USH2A: variants seen among roughly 807,000 people sequenced by gnomAD.
USH2A encodes the protein usherin.
In USH2A, 443 loss-of-function variants were observed where a neutral mutation model predicts 538.9. That is an observed-to-expected ratio of 0.82 (90% confidence interval 0.76 to 0.89). The LOEUF (loss-of-function observed/expected upper bound fraction) is 0.89, where lower values mean the gene tolerates loss of function less well. USH2A is among the 40% of genes least tolerant of loss of function. The pLI is 0.00. For missense variants in USH2A, 6,633 were observed against 6,324.8 expected, an observed-to-expected ratio of 1.05 and a Z score of -1.65; for synonymous variants, 2,413 against 2,273.5, an observed-to-expected ratio of 1.06 and a Z score of -1.75.
intron 37 of USH2A, among the ~76,000 whole-genome samples, chr1:215,954,914 C>T (rs1369746897): frequency 6.6e-6 from 1 of 152,096 alleles, no homozygotes; most frequent in Non-Finnish European, 1.5e-5. Context: ...AAATCCACCA[C>T]AATTTTACCT....
chr1:215,853,593 C>A (rs917533144), intron 44 of USH2A, among the ~76,000 whole-genome samples: 1 of 152,190 alleles, frequency 6.6e-6, no homozygotes, highest in African/African-American at 2.4e-5. Flanking sequence ...ATTTTCTGAA[C>A]TTTTATGCTC....
chr1:215,909,571 A>T (rs1407285764), intron 38 of USH2A, among the ~76,000 whole-genome samples: 1 of 152,016 alleles, frequency 6.6e-6, no homozygotes, highest in African/African-American at 2.4e-5. Flanking sequence ...GTTGCTGTGA[A>T]CCTAAAGCTG....
chr1:215,800,074 C>T (rs982134873), intron 49 of USH2A, among the ~76,000 whole-genome samples: 1 of 152,066 alleles, frequency 6.6e-6, no homozygotes, highest in African/African-American at 2.4e-5. Flanking sequence ...ACTCTAAATA[C>T]CAAGAGTTAG....
chr1:216,012,962 CTT>C (rs1166795346), intron 32 of USH2A, among the ~76,000 whole-genome samples: 1 of 152,166 alleles, frequency 6.6e-6, no homozygotes, highest in African/African-American at 2.4e-5. Context: ...ATGTCCTGCT[CTT>C]GTTTACACTG....
intron 43 of USH2A, among the ~76,000 whole-genome samples, chr1:215,869,345 TA>T (rs1664565137): frequency 6.6e-6 from 1 of 152,146 alleles, no homozygotes; most frequent in African/African-American, 2.4e-5. Context: ...ATCATAATGA[TA>T]ATCTGTTCTG....
At chr1:215,829,934 C>G (rs1285744184) in intron 47 of USH2A, among the ~76,000 whole-genome samples, 4 of 152,144 alleles carry the variant, frequency 2.6e-5, no homozygotes, top group Non-Finnish European at 5.9e-5. Context: ...ACTTCCCATG[C>G]AGGCCAATAT....
At chr1:216,144,898 G>A (rs1052385696) in intron 21 of USH2A, among the ~76,000 whole-genome samples, 14 of 151,852 alleles carry the variant, frequency 9.2e-5, no homozygotes, top group Admixed American at 2.0e-4. Context: ...TTCTTTTTAC[G>A]TTAAAAATCT....
intron 21 of USH2A, among the ~76,000 whole-genome samples, chr1:216,101,720 A>G (rs996752946): frequency 1.3e-5 from 2 of 152,240 alleles, no homozygotes; most frequent in African/African-American, 4.8e-5. Context: ...AAAAAATGAG[A>G]CAGGAAATGT....
intron 24 of USH2A, 36 bp downstream of exon 24, chr1:216,086,683 T>C (rs2032143416): frequency 6.9e-7 from 1 of 1,440,932 alleles, no homozygotes. Flanking sequence ...ATTCTAAGTT[T>C]GGATGACAAC....
rs1476510209 is a variant in USH2A at position 215,625,069 on chromosome 1, A to G, written c.*712T>C. 1 of 152,264 alleles carries G rather than the reference A, an allele frequency of 6.6e-6. No individual in the cohort carries two copies. The highest frequency in any genetic ancestry group is 1.5e-5 in the Non-Finnish European group (1 of 68,060). 9.4% of individuals were successfully genotyped at this position (152,264 alleles called of 1,614,324 possible). ...ACACTTTGTTTTCTCCTCAAAATGT[A>G]TAAATAAGCTGTTTACTCCTTAGAT... On this transcript the variant is annotated 3_prime_UTR_variant, in exon 72 of 72. Coordinates refer to ENST00000307340, the MANE Select transcript of USH2A (RefSeq NM_206933.4).
At chr1:216,265,828 T>C (rs887163808) in intron 11 of USH2A, among the ~76,000 whole-genome samples, 15 of 152,162 alleles carry the variant, frequency 9.9e-5, no homozygotes, top group African/African-American at 3.4e-4. Context: ...TTCTGACTCA[T>C]ATGTGGAAGC....
In USH2A at chr1:216,324,256, AT is replaced by A. The variant is rs1346509268; in HGVS notation, c.1239del (p.Gln413HisfsTer12). Reference sequence around the variant, plus strand: ...AAAGCACCACAATTCCTGGCAAAATATTGCCAGTCCTCCCAATCTAAACTAT... The same window carrying A: ...AAAGCACCACAATTCCTGGCAAAATATGCCAGTCCTCCCAATCTAAACTAT... ...KENSLDWEDW[Q>X]YFARNCGAFG... On this transcript the variant is annotated frameshift_variant, in exon 7 of 72. Transcript: ENST00000307340. LOFTEE classifies it high-confidence loss of function. 6.2e-7 allele frequency: 1 copy of A among 1,613,242 alleles called. No individual in the cohort carries two copies. Among genetic ancestry groups the A allele is most frequent in the East Asian group, 2.2e-5 (1 of 44,708 alleles).
chr1:216,017,874 T>C lies in USH2A; in HGVS notation c.6326-17312A>G, dbSNP rs1424143009. ...TTTTAATACTATTTCAACCTAGCCC[T>C]ATACTACGCCTTATATAGCATAAGA... On this transcript the variant is annotated intron_variant, in intron 32 of 71. Coordinates refer to ENST00000307340, the MANE Select transcript of USH2A (RefSeq NM_206933.4). 3.9e-5 allele frequency among the ~76,000 whole-genome samples: 6 copies of C among 152,292 alleles called. No individual in the cohort carries two copies. In the East Asian group the frequency reaches 1.2e-3, roughly 29 times the overall value.
intron 37 of USH2A, among the ~76,000 whole-genome samples, chr1:215,949,305 G>A (rs1343889372): frequency 1.3e-5 from 2 of 151,896 alleles, no homozygotes; most frequent in African/African-American, 2.4e-5. Context: ...TAAGTAAATG[G>A]AAAAATAACA....
intron 32 of USH2A, among the ~76,000 whole-genome samples, chr1:216,027,120 A>G (rs1279431005): frequency 6.6e-6 from 1 of 152,182 alleles, no homozygotes; most frequent in Non-Finnish European, 1.5e-5. Context: ...TTGACATTCT[A>G]ATCTTCAGAA....
intron 60 of USH2A, among the ~76,000 whole-genome samples, chr1:215,729,251 T>C (rs1316302521): frequency 6.6e-6 from 1 of 152,212 alleles, no homozygotes; most frequent in Non-Finnish European, 1.5e-5. Context: ...GTTCCTATTT[T>C]CTCTCATGCA....
chr1:215,950,557 G>A (rs141384173), intron 37 of USH2A, among the ~76,000 whole-genome samples: 4,783 of 150,058 alleles, frequency 0.032, 117 homozygotes, highest in South Asian at 0.082. Flanking sequence ...CCCAGGCTGG[G>A]GTGCAATGGC....
Position 215,671,163 on chromosome 1 carries a change from C to T in USH2A, c.13942G>A (p.Gly4648Arg). The change falls in exon 64 of 72, where the codon GGA (glycine) becomes AGA (arginine). Residue 4648 changes from glycine (G) to arginine (R), a missense_variant. By Grantham distance (125) the Gly-to-Arg change is moderately radical (BLOSUM62 -2). Transcript: ENST00000307340. ...AAAAGAGAAACAGTTGGCTGGAATC[C>T]TCCTGGAGCCATTTGTACCTCCAGA... is the stretch of plus-strand genomic sequence containing the variant. The part of the protein sequence containing the change: ...PHLEVQMAPG[G>R]FQPTVSLLWT... The T allele has an allele frequency of 6.2e-7, 1 of 1,614,090 alleles. No homozygotes were observed. The highest frequency in any genetic ancestry group is 8.5e-7 in the Non-Finnish European group (1 of 1,180,010).
chr1:215,916,295 G>A (rs1446194848), intron 38 of USH2A, among the ~76,000 whole-genome samples: 1 of 151,828 alleles, frequency 6.6e-6, no homozygotes, highest in African/African-American at 2.4e-5. Context: ...TGTAGTAGAA[G>A]AGTATTTAGG....
Sources: gnomAD v4.1 joint callset for allele counts (sites outside exome capture counted in the v4.1 genomes callset) on GRCh38, gnomAD v4.1.1 for gene constraint, MANE v1.5 for transcripts, NCBI Gene and HGNC (gene_info 2026-07-23, HGNC 2026-07-21) for gene names.